TRIM2: variants seen among roughly 807,000 people sequenced by gnomAD.
The protein encoded by TRIM2 is tripartite motif-containing protein 2.
A neutral mutation model predicts 75.2 loss-of-function variants in TRIM2; 20 were observed. That is an observed-to-expected ratio of 0.27 (90% confidence interval 0.19 to 0.39). The LOEUF (loss-of-function observed/expected upper bound fraction) is 0.39. Ranked by LOEUF, TRIM2 falls within the 10% of genes least tolerant of loss-of-function variation. The pLI is 1.00. For missense variants in TRIM2, 660 were observed against 990.8 expected (o/e 0.67, Z 4.48); for synonymous variants, 373 against 388.3 (o/e 0.96, Z 0.46).
At chr4:153,166,057 C>T (rs970274760) in intron 1 of TRIM2, among the ~76,000 whole-genome samples, 3 of 151,986 alleles carry the variant, frequency 2.0e-5, no homozygotes, top group African/African-American at 7.3e-5. Context: ...TCTTTAATGC[C>T]GTTGAAATCT....
At chr4:153,297,295 A>G (rs1236391947) in intron 6 of TRIM2, among the ~76,000 whole-genome samples, 1 of 152,174 alleles carries the variant, frequency 6.6e-6, no homozygotes, top group African/African-American at 2.4e-5. Flanking sequence ...TTGATTCTCC[A>G]CCAGAGCAGA....
intron 3 of TRIM2, among the ~76,000 whole-genome samples, chr4:153,290,658 G>T (rs1333245241): frequency 6.6e-6 from 1 of 152,118 alleles, no homozygotes; most frequent in Admixed American, 6.6e-5. Context: ...ATAGGATCTT[G>T]CTCCGATACC....
chr4:153,253,402 A>G (rs138125910), intron 1 of TRIM2, among the ~76,000 whole-genome samples: 11 of 152,282 alleles, frequency 7.2e-5, no homozygotes, highest in Middle Eastern at 6.8e-3. Flanking sequence ...CACACTGGGT[A>G]TGACAGCCAT....
chr4:153,222,671 G>T (rs540682893), intron 1 of TRIM2: 1 of 152,380 alleles, frequency 6.6e-6, no homozygotes, highest in African/African-American at 2.4e-5. Flanking sequence ...GCACAGAATG[G>T]AAATGACCGA....
At chr4:153,331,757 T>C (rs1250081630) in intron 11 of TRIM2, among the ~76,000 whole-genome samples, 2 of 152,174 alleles carry the variant, frequency 1.3e-5, no homozygotes, top group Non-Finnish European at 2.9e-5. Context: ...ACTATATAGT[T>C]ACCATAATCA....
chr4:153,152,416 A>ATATG (rs1303254022), upstream of TRIM2: 2 of 145,956 alleles, frequency 1.4e-5, no homozygotes, highest in African/African-American at 5.0e-5. Flanking sequence ...GTGTATATAT[A>ATATG]TATATATATA....
At chr4:153,287,169 G>T (rs529373178) in intron 3 of TRIM2, among the ~76,000 whole-genome samples, 2 of 152,014 alleles carry the variant, frequency 1.3e-5, no homozygotes, top group South Asian at 2.1e-4. Flanking sequence ...TAATAGACAG[G>T]GTCTCTCACT....
At chr4:153,314,196 G>A (rs1467191356) in intron 6 of TRIM2, among the ~76,000 whole-genome samples, 3 of 151,246 alleles carry the variant, frequency 2.0e-5, no homozygotes, top group Non-Finnish European at 2.9e-5. Context: ...CGAGGCGGGC[G>A]GATCACGAGG....
At chr4:153,222,058 A>AAGGAAGGAAGG (rs1740658995) in intron 1 of TRIM2, among the ~76,000 whole-genome samples, 3 of 39,586 alleles carry the variant, frequency 7.6e-5, no homozygotes, top group Admixed American at 7.2e-4. Flanking sequence ...GGGAGGGAGG[A>AAGGAAGGAAGG]AGGAAGGAAG....
At chr4:153,201,301 T>C (rs754907757), upstream of TRIM2, among the ~76,000 whole-genome samples, 21 of 152,252 alleles carry the variant, frequency 1.4e-4, no homozygotes, top group Non-Finnish European at 2.5e-4. Flanking sequence ...TAATGACTAA[T>C]GTTGAGCATC....
intron 11 of TRIM2, among the ~76,000 whole-genome samples, chr4:153,330,635 A>G (rs1771258300): frequency 6.6e-6 from 1 of 152,234 alleles, no homozygotes; most frequent in Non-Finnish European, 1.5e-5. Flanking sequence ...ATATGATCAT[A>G]TCAATTGACA....
chr4:153,253,764 G>A (rs1354214233), intron 1 of TRIM2, among the ~76,000 whole-genome samples: 10 of 152,246 alleles, frequency 6.6e-5, no homozygotes, highest in South Asian at 2.1e-4. Context: ...TCCCACCAGC[G>A]CTGCGACAGT....
chr4:153,187,455 C>T (rs928108050), intron 1 of TRIM2, among the ~76,000 whole-genome samples: 3 of 152,180 alleles, frequency 2.0e-5, no homozygotes, highest in African/African-American at 7.2e-5. Context: ...GCTTCCTTCT[C>T]ACCAAGTGAC....
At chr4:153,314,090 A>G (rs1217851313) in intron 6 of TRIM2, among the ~76,000 whole-genome samples, 1 of 152,176 alleles carries the variant, frequency 6.6e-6, no homozygotes. Context: ...TAAATCATAA[A>G]AACTTCTTTT....
intron 1 of TRIM2, among the ~76,000 whole-genome samples, chr4:153,215,279 C>T (rs2149726548): frequency 6.6e-6 from 1 of 152,230 alleles, no homozygotes; most frequent in African/African-American, 2.4e-5. Flanking sequence ...TCCTCTCCTC[C>T]ACATAGGCCC....
chr4:153,295,919 G>A lies in TRIM2; in HGVS notation c.1393G>A (p.Val465Ile), dbSNP rs761256413. Residue 465 changes from valine (V) to isoleucine (I), a missense_variant, in exon 6 of 12, where the codon GTT (valine) becomes ATT (isoleucine). Physicochemically the swap from Val to Ile is conservative, Grantham distance 29. Transcript: ENST00000338700. The surrounding 1 kb of genome is among the most constrained non-coding windows in gnomAD (Gnocchi z 7.2). Reference protein sequence around the residue: ...SPTTEGVKRRVKSPGSGHVKQ... With the variant: ...SPTTEGVKRRIKSPGSGHVKQ... ...CACCACAGAAGGCGTGAAGAGGCGC[G>A]TTAAGTCCCCGGGGAGCGGCCACGT... 1.9e-6 allele frequency: 3 copies of A among 1,608,764 alleles called. No homozygotes were observed. The highest frequency in any genetic ancestry group is 2.5e-6 in the Non-Finnish European group (3 of 1,177,382).
At chr4:153,211,928 C>T (rs1296157854) in intron 1 of TRIM2, among the ~76,000 whole-genome samples, 9 of 152,088 alleles carry the variant, frequency 5.9e-5, no homozygotes, top group Non-Finnish European at 1.5e-5. Context: ...AGGCTGTCTC[C>T]CAAGATGGTT....
intron 6 of TRIM2, among the ~76,000 whole-genome samples, chr4:153,315,263 G>T (rs549062734): frequency 6.6e-6 from 1 of 152,280 alleles, no homozygotes; most frequent in African/African-American, 2.4e-5. Context: ...AGAGAAGATT[G>T]ACATTTACTT....
At chr4:153,187,336 T>G (rs1021371405) in intron 1 of TRIM2, among the ~76,000 whole-genome samples, 7 of 152,206 alleles carry the variant, frequency 4.6e-5, no homozygotes, top group Non-Finnish European at 1.0e-4. Context: ...GTAGCTGTTT[T>G]GCAACCCTAA....
Sources: gnomAD v4.1 joint callset for allele counts (sites outside exome capture counted in the v4.1 genomes callset) on GRCh38, gnomAD v4.1.1 for gene constraint, Gnocchi (gnomAD v3.1) non-coding constraint, MANE v1.5 for transcripts, NCBI Gene and HGNC (gene_info 2026-07-23, HGNC 2026-07-21) for gene names.